The following TMEM178B variants were observed in gnomAD, a reference collection of about 807,000 sequenced individuals.
TMEM178B encodes transmembrane protein 178B.
TMEM178B carries 5 observed loss-of-function variants against 31.0 expected under a neutral mutation model. The observed-to-expected ratio is 0.16, with a 90% CI of 0.08 to 0.34. The LOEUF is 0.34. Ranked by LOEUF, TMEM178B falls within the 10% of genes least tolerant of loss-of-function variation. The pLI, the probability that TMEM178B is intolerant of heterozygous loss-of-function variation, is 1.00. For synonymous variants in TMEM178B, 164 were observed against 164.0 expected (o/e 1.00, Z 0.00); for missense variants, 275 against 400.3 (o/e 0.69, Z 2.67).
At chr7:141,458,982 A>G (rs576933450) in intron 3 of TMEM178B, among the ~76,000 whole-genome samples, 1 of 152,322 alleles carries the variant, frequency 6.6e-6, no homozygotes, top group East Asian at 1.9e-4. Flanking sequence ...TAGTGTGTTT[A>G]CTTCATTCTC....
intron 1 of TMEM178B, among the ~76,000 whole-genome samples, chr7:141,095,774 C>T (rs1373137341): frequency 6.6e-6 from 1 of 152,152 alleles, no homozygotes; most frequent in Non-Finnish European, 1.5e-5. Flanking sequence ...AAATGTTTAC[C>T]ATCTGTTGCC....
chr7:141,079,481 T>TG (rs1794650427), intron 1 of TMEM178B, among the ~76,000 whole-genome samples: 1 of 152,218 alleles, frequency 6.6e-6, no homozygotes, highest in Non-Finnish European at 1.5e-5. Context: ...CATAACTTTG[T>TG]TTCAGATGAG....
intron 2 of TMEM178B, among the ~76,000 whole-genome samples, chr7:141,279,620 A>G (rs1324540135): frequency 6.6e-6 from 1 of 152,134 alleles, no homozygotes; most frequent in Non-Finnish European, 1.5e-5. Flanking sequence ...GGCAAAATCT[A>G]GCAAGCTGGA....
chr7:141,196,154 C>T (rs1412162888), intron 1 of TMEM178B, among the ~76,000 whole-genome samples: 1 of 152,184 alleles, frequency 6.6e-6, no homozygotes, highest in Non-Finnish European at 1.5e-5. Context: ...CACATGCACA[C>T]ACACACACAG....
chr7:141,160,181 G>A (rs1047237974), intron 1 of TMEM178B, among the ~76,000 whole-genome samples: 3 of 151,882 alleles, frequency 2.0e-5, no homozygotes, highest in Non-Finnish European at 4.4e-5. Flanking sequence ...TGTACCCAAT[G>A]TGTTGCCTTT....
chr7:141,488,915 A>G, the TMEM178B span, among the ~76,000 whole-genome samples: 3 of 151,980 alleles, frequency 2.0e-5, no homozygotes, highest in African/African-American at 7.2e-5. Context: ...CCCCCGTTGG[A>G]GAAAATAAGG....
intron 1 of TMEM178B, among the ~76,000 whole-genome samples, chr7:141,212,173 C>T (rs539953768): frequency 1.2e-4 from 19 of 152,244 alleles, no homozygotes; most frequent in African/African-American, 4.6e-4. Flanking sequence ...TCCCCCAGCT[C>T]ACCATTCCAG....
At chr7:141,355,577 GCAGATGGGCATTCAACA>G (rs1799805374) in intron 2 of TMEM178B, among the ~76,000 whole-genome samples, 1 of 152,224 alleles carries the variant, frequency 6.6e-6, no homozygotes, top group Non-Finnish European at 1.5e-5. Flanking sequence ...GGCATTCAAT[GCAGATGGGCATTCAACA>G]CAGATGGGCA....
intron 1 of TMEM178B, among the ~76,000 whole-genome samples, chr7:141,121,997 A>G (rs958221948): frequency 7.9e-5 from 12 of 152,022 alleles, no homozygotes; most frequent in African/African-American, 2.7e-4. Context: ...CATTTCCCCC[A>G]CTTAAACCCT....
the TMEM178B span, among the ~76,000 whole-genome samples, chr7:141,508,989 C>T: frequency 6.6e-6 from 1 of 152,222 alleles, no homozygotes; most frequent in Non-Finnish European, 1.5e-5. Flanking sequence ...AGGTATTTTG[C>T]ATGTGGTTCA....
At chr7:141,467,081 C>A (rs1802158467) in intron 3 of TMEM178B, among the ~76,000 whole-genome samples, 1 of 152,082 alleles carries the variant, frequency 6.6e-6, no homozygotes, top group South Asian at 2.1e-4. Flanking sequence ...TCATACAAAG[C>A]ACCTTTGCCC....
chr7:141,292,311 C>T (rs1280870132), intron 2 of TMEM178B, among the ~76,000 whole-genome samples: 1 of 152,222 alleles, frequency 6.6e-6, no homozygotes, highest in East Asian at 1.9e-4. Context: ...GACATTTTCC[C>T]CTCTTTGGTT....
At chr7:141,153,026 G>A (rs962863431) in intron 1 of TMEM178B, among the ~76,000 whole-genome samples, 1 of 152,152 alleles carries the variant, frequency 6.6e-6, no homozygotes, top group African/African-American at 2.4e-5. Flanking sequence ...CTGATAAATC[G>A]TGGAACCAAA....
chr7:141,109,321 G>T (rs1315397600), intron 1 of TMEM178B, among the ~76,000 whole-genome samples: 2 of 152,120 alleles, frequency 1.3e-5, no homozygotes. Context: ...TCAATGTGTT[G>T]TAAGTCTTGG....
chr7:141,230,487 C>A (rs112988795), intron 2 of TMEM178B, among the ~76,000 whole-genome samples: 3,616 of 152,284 alleles, frequency 0.024, 59 homozygotes, highest in Middle Eastern at 0.075. Flanking sequence ...TCTTTCTTTT[C>A]TTTGTCTCTA....
rs1386068907 is a variant in TMEM178B at position 141,474,736 on chromosome 7, G to A, written c.*3950G>A. On this transcript the variant is annotated 3_prime_UTR_variant, in exon 4 of 4. Coordinates refer to ENST00000565468, the MANE Select transcript of TMEM178B (RefSeq NM_001195278.2). ...TATCTCAATATTCATCCACACTCAT[G>A]ATAAGATGCCGGAAATGAATGCACT... 6.6e-6 allele frequency: 1 copy of A among 152,192 alleles called. No individual in the cohort carries two copies. The highest frequency in any genetic ancestry group is 2.4e-5 in the African/African-American group (1 of 41,444). The allele number at this position is 152,192 out of a possible 1,614,324, so 9.4% of individuals were successfully genotyped here.
chr7:141,105,113 GA>G (rs1186067540), intron 1 of TMEM178B, among the ~76,000 whole-genome samples: 1 of 152,154 alleles, frequency 6.6e-6, no homozygotes, highest in Non-Finnish European at 1.5e-5. Flanking sequence ...GGAGAGGAAA[GA>G]GGGGCAAAGA....
chr7:141,435,319 C>A (rs529193780), intron 2 of TMEM178B, among the ~76,000 whole-genome samples: 1 of 152,358 alleles, frequency 6.6e-6, no homozygotes, highest in African/African-American at 2.4e-5. Flanking sequence ...ACAGGGAAAC[C>A]TTCTTTTCAT....
intron 1 of TMEM178B, among the ~76,000 whole-genome samples, chr7:141,179,769 A>G (rs1796489632): frequency 6.6e-6 from 1 of 152,210 alleles, no homozygotes; most frequent in Non-Finnish European, 1.5e-5. Flanking sequence ...CCCGAGGGCC[A>G]TGGGAGAGCC....
Sources: gnomAD v4.1 joint callset for allele counts (sites outside exome capture counted in the v4.1 genomes callset) on GRCh38, gnomAD v4.1.1 for gene constraint, MANE v1.5 for transcripts, NCBI Gene and HGNC (gene_info 2026-07-23, HGNC 2026-07-21) for gene names.